SSBP2: variants seen among roughly 807,000 people sequenced by gnomAD.
SSBP2 encodes the protein single-stranded DNA-binding protein 2.
A neutral mutation model predicts 61.8 loss-of-function variants in SSBP2; 17 were observed. The observed-to-expected ratio is 0.28, with a 90% CI of 0.19 to 0.41. SSBP2 has a LOEUF of 0.41. SSBP2 is among the 10% of genes least tolerant of loss of function. The pLI is 1.00. For missense variants in SSBP2, 310 were observed against 458.7 expected (o/e 0.68, Z 2.96); for synonymous variants, 139 against 141.3 (o/e 0.98, Z 0.12).
rs1761230882 is a variant in SSBP2, at chr5:81,414,336, C to A, written c.*6168G>T. On this transcript the variant is annotated 3_prime_UTR_variant, in exon 17 of 17. Coordinates refer to ENST00000320672, the MANE Select transcript of SSBP2 (RefSeq NM_012446.5). Reference sequence around the variant, plus strand: ...TCACATTAAAATATCTTACAGAAATCATTATTCTTCTATTCAAGAAAACCA... The same window carrying A: ...TCACATTAAAATATCTTACAGAAATAATTATTCTTCTATTCAAGAAAACCA... The A allele has an allele frequency of 6.6e-6, 1 of 152,044 alleles. No homozygotes were observed. Among genetic ancestry groups the A allele is most frequent in the Non-Finnish European group, 1.5e-5 (1 of 67,984 alleles). The allele number at this position is 152,044 out of a possible 1,614,324, so 9.4% of individuals were successfully genotyped here. A position where few individuals can be genotyped will look rare whatever the true frequency, so the allele number is the denominator to read the frequency against.
intron 9 of SSBP2, among the ~76,000 whole-genome samples, chr5:81,466,104 T>C (rs901444443): frequency 5.9e-5 from 9 of 151,702 alleles, no homozygotes; most frequent in African/African-American, 1.7e-4. Context: ...CACGAACTGA[T>C]GGAAACACAC....
chr5:81,574,808 G>A (rs552817632), intron 4 of SSBP2, among the ~76,000 whole-genome samples: 1 of 152,106 alleles, frequency 6.6e-6, no homozygotes, highest in Non-Finnish European at 1.5e-5. Context: ...AAAAAAAAAT[G>A]TCAACCTAGA....
At chr5:81,655,371 A>G (rs1338060005) in intron 1 of SSBP2, among the ~76,000 whole-genome samples, 1 of 152,224 alleles carries the variant, frequency 6.6e-6, no homozygotes, top group East Asian at 1.9e-4. Flanking sequence ...ATAGAAACAA[A>G]TTAACAAATA....
intron 1 of SSBP2, among the ~76,000 whole-genome samples, chr5:81,672,625 G>A (rs1032611194): frequency 1.3e-5 from 2 of 150,200 alleles, no homozygotes; most frequent in African/African-American, 4.9e-5. Flanking sequence ...AGGCTGGAGT[G>A]TAATGGCACG....
At chr5:81,651,626 ACT>A (rs1324727512) in intron 1 of SSBP2, among the ~76,000 whole-genome samples, 1 of 152,030 alleles carries the variant, frequency 6.6e-6, no homozygotes. Flanking sequence ...GTGCTTCTCA[ACT>A]CTTTTTCCTA....
At position 81,687,371 on chromosome 5, in the gene SSBP2, A is replaced by G. The variant is rs142152091; in HGVS notation, c.63-37032T>C. Among the ~76,000 whole-genome samples, 3 of 152,300 alleles carry G rather than the reference A, an allele frequency of 2.0e-5. No individual in the cohort carries two copies. In the East Asian group the frequency reaches 5.8e-4, roughly 29 times the overall value. ...CTGAGTTCTGGCAAGCTTTACCACC[A>G]TGGGCTAAAGTGTTTGGTGCTAAAT... On this transcript the variant is annotated intron_variant, in intron 1 of 16. Transcript: ENST00000320672.
At chr5:81,736,778 T>C (rs1756652267) in intron 1 of SSBP2, among the ~76,000 whole-genome samples, 1 of 152,182 alleles carries the variant, frequency 6.6e-6, no homozygotes. Context: ...TCTACCAATT[T>C]AAAAAGTAGA....
chr5:81,609,610 T>C (rs577861567), intron 4 of SSBP2, among the ~76,000 whole-genome samples: 1 of 152,262 alleles, frequency 6.6e-6, no homozygotes, highest in African/African-American at 2.4e-5. Context: ...GAAGTGACAG[T>C]GCATCCCTGG....
intron 10 of SSBP2, among the ~76,000 whole-genome samples, chr5:81,460,492 T>C (rs1209546556): frequency 6.6e-6 from 1 of 152,176 alleles, no homozygotes; most frequent in East Asian, 1.9e-4. Context: ...TAAATATTAG[T>C]GCCATCAAAC....
chr5:81,582,076 G>C (rs191898124), intron 4 of SSBP2, among the ~76,000 whole-genome samples: 5 of 152,194 alleles, frequency 3.3e-5, no homozygotes. Flanking sequence ...CCTTGGTATA[G>C]AAGCTCAGTT....
intron 8 of SSBP2, among the ~76,000 whole-genome samples, chr5:81,467,761 A>G (rs1764989804): frequency 6.6e-6 from 1 of 151,986 alleles, no homozygotes; most frequent in Non-Finnish European, 1.5e-5. Context: ...ATTATCAACA[A>G]CTTTCACACT....
intron 15 of SSBP2, among the ~76,000 whole-genome samples, chr5:81,433,979 A>G (rs572569389): frequency 6.6e-6 from 1 of 152,354 alleles, no homozygotes; most frequent in Admixed American, 6.5e-5. Context: ...ATAGCACTTC[A>G]TAGCCCTTAA....
At chr5:81,463,680 C>T (rs1764689960) in intron 9 of SSBP2, among the ~76,000 whole-genome samples, 1 of 150,682 alleles carries the variant, frequency 6.6e-6, no homozygotes, top group Non-Finnish European at 1.5e-5. Flanking sequence ...AACCTGGGTG[C>T]AGAAGTCTGC....
At chr5:81,458,924 C>G (rs1215475804) in intron 10 of SSBP2, among the ~76,000 whole-genome samples, 5 of 152,198 alleles carry the variant, frequency 3.3e-5, no homozygotes, top group Admixed American at 1.3e-4. Context: ...TGACTACTTT[C>G]TCTCTCTAAA....
At chr5:81,613,162 C>T (rs151264686) in intron 4 of SSBP2, among the ~76,000 whole-genome samples, 244 of 152,162 alleles carry the variant, frequency 1.6e-3, no homozygotes, top group Non-Finnish European at 3.0e-3. Context: ...ATAAAAATGG[C>T]ATCCAAGAAT....
chr5:81,742,256 T>G (rs1757072388), intron 1 of SSBP2, among the ~76,000 whole-genome samples: 1 of 152,206 alleles, frequency 6.6e-6, no homozygotes, highest in Non-Finnish European at 1.5e-5. Flanking sequence ...ATTAAAAATA[T>G]ACACACATCA....
At chr5:81,723,555 C>T (rs1755683341) in intron 1 of SSBP2, among the ~76,000 whole-genome samples, 3 of 151,990 alleles carry the variant, frequency 2.0e-5, no homozygotes, top group Non-Finnish European at 4.4e-5. Flanking sequence ...AATTGATGCG[C>T]ATTAACCCAA....
intron 4 of SSBP2, among the ~76,000 whole-genome samples, chr5:81,559,285 G>A (rs1772845706): frequency 6.6e-6 from 1 of 151,926 alleles, no homozygotes; most frequent in Non-Finnish European, 1.5e-5. Flanking sequence ...TATTCAGGAG[G>A]CTGTGTCAGG....
At chr5:81,636,384 T>A (rs998625788) in intron 3 of SSBP2, 173 bp downstream of exon 3, 3 of 476,242 alleles carry the variant, frequency 6.3e-6, no homozygotes, top group Non-Finnish European at 7.6e-6. Flanking sequence ...AGTAGTATAT[T>A]TAAGTTAAAT....
Sources: allele counts gnomAD v4.1 joint callset (sites outside exome capture counted in the v4.1 genomes callset), GRCh38; gene constraint gnomAD v4.1.1; transcripts MANE v1.5; gene names NCBI Gene and HGNC (gene_info 2026-07-23, HGNC 2026-07-21).